Variants in BRINP3 observed in about 807,000 individuals in gnomAD.
BRINP3 encodes BMP/retinoic acid inducible neural specific 3, also known as BMP/retinoic acid-inducible neural-specific protein 3.
Under a neutral mutation model 71.0 loss-of-function variants are expected in BRINP3, and 19 were observed. That is an observed-to-expected ratio of 0.27 (90% CI 0.19 to 0.39). The LOEUF is 0.39. Ranked by LOEUF, BRINP3 falls within the 10% of genes least tolerant of loss-of-function variation. The probability of loss-of-function intolerance (pLI) is 1.00; values close to 1 mark genes in which losing one functional copy is unlikely to be tolerated. For synonymous variants in BRINP3, 380 were observed against 337.7 expected, an observed-to-expected ratio of 1.13 and a Z score of -1.37; for missense variants, 959 against 940.8, an observed-to-expected ratio of 1.02 and a Z score of -0.25.
chr1:190,197,553 C>A (rs769259275), intron 6 of BRINP3, among the ~76,000 whole-genome samples: 1 of 152,122 alleles, frequency 6.6e-6, no homozygotes, highest in South Asian at 2.1e-4. Flanking sequence ...TTGGCCAAAA[C>A]GAAGGGGCAA....
intron 6 of BRINP3, among the ~76,000 whole-genome samples, chr1:190,200,276 A>G (rs1028488014): frequency 1.4e-4 from 21 of 152,138 alleles, no homozygotes; most frequent in African/African-American, 4.1e-4. Flanking sequence ...GAATTATGCC[A>G]AAGTCTATTG....
chr1:190,155,438 T>A (rs1051135890), intron 7 of BRINP3, among the ~76,000 whole-genome samples: 4 of 152,098 alleles, frequency 2.6e-5, no homozygotes, highest in Non-Finnish European at 2.9e-5. Context: ...TTAAATATTG[T>A]TCATCAAAGC....
chr1:190,202,234 T>C (rs1487126501), intron 6 of BRINP3, among the ~76,000 whole-genome samples: 13 of 152,138 alleles, frequency 8.5e-5, no homozygotes, highest in Non-Finnish European at 1.5e-5. Flanking sequence ...AGCTTTAAGA[T>C]TTGACTTCCC....
intron 2 of BRINP3, among the ~76,000 whole-genome samples, chr1:190,335,562 T>C (rs920985942): frequency 7.2e-5 from 11 of 151,862 alleles, no homozygotes; most frequent in African/African-American, 2.7e-4. Flanking sequence ...GTGGTATAAA[T>C]ATATTTATTT....
At chr1:190,324,881 T>TA (rs1031304503) in intron 2 of BRINP3, among the ~76,000 whole-genome samples, 60 of 152,054 alleles carry the variant, frequency 3.9e-4, no homozygotes, top group African/African-American at 1.2e-3. Flanking sequence ...ATAAGTGTGA[T>TA]ACCTTGTAAT....
chr1:190,197,905 C>G (rs1490084304), intron 6 of BRINP3, among the ~76,000 whole-genome samples: 2 of 152,154 alleles, frequency 1.3e-5, no homozygotes, highest in African/African-American at 4.8e-5. Context: ...CATTTCCCTT[C>G]CACACTGCCT....
intron 2 of BRINP3, among the ~76,000 whole-genome samples, chr1:190,420,016 T>TTCA (rs1673268661): frequency 6.6e-6 from 1 of 151,984 alleles, no homozygotes; most frequent in African/African-American, 2.4e-5. Context: ...CCAAAGTAGA[T>TTCA]TCATATTTAT....
chr1:190,275,762 C>T (rs1328236697), intron 3 of BRINP3, among the ~76,000 whole-genome samples: 2 of 151,646 alleles, frequency 1.3e-5, no homozygotes, highest in African/African-American at 2.4e-5. Flanking sequence ...TTGGTTGCCA[C>T]GAACACCTTT....
At chr1:190,156,707 A>T (rs1254187081) in intron 7 of BRINP3, among the ~76,000 whole-genome samples, 2 of 152,008 alleles carry the variant, frequency 1.3e-5, no homozygotes, top group Non-Finnish European at 2.9e-5. Flanking sequence ...TCAACTTAGG[A>T]ATTACGCTAA....
chr1:190,182,602 G>C (rs545762462), intron 6 of BRINP3, among the ~76,000 whole-genome samples: 3 of 152,022 alleles, frequency 2.0e-5, no homozygotes, highest in African/African-American at 7.2e-5. Flanking sequence ...AGCAGGTATG[G>C]CCTTTGTGTT....
intron 2 of BRINP3, among the ~76,000 whole-genome samples, chr1:190,305,880 T>C (rs893254800): frequency 6.6e-6 from 1 of 151,884 alleles, no homozygotes; most frequent in Non-Finnish European, 1.5e-5. Flanking sequence ...TGTGTACATA[T>C]ATCAAACATA....
chr1:190,184,866 A>G (rs935502039), intron 6 of BRINP3, among the ~76,000 whole-genome samples: 9 of 152,162 alleles, frequency 5.9e-5, no homozygotes, highest in African/African-American at 2.2e-4. Flanking sequence ...ACAAACCTGC[A>G]CATGCACTCT....
intron 7 of BRINP3, among the ~76,000 whole-genome samples, chr1:190,108,762 T>C (rs1316279225): frequency 6.6e-6 from 1 of 151,436 alleles, no homozygotes; most frequent in Non-Finnish European, 1.5e-5. Flanking sequence ...CTCCCTCACC[T>C]CAGTGACAAG....
intron 2 of BRINP3, among the ~76,000 whole-genome samples, chr1:190,342,219 T>C (rs948565394): frequency 1.3e-5 from 2 of 151,542 alleles, no homozygotes; most frequent in African/African-American, 4.8e-5. Context: ...GTCTCCCCAT[T>C]AAGGAGGCTA....
At chr1:190,212,310 G>T (rs1010095975) in intron 6 of BRINP3, among the ~76,000 whole-genome samples, 6 of 152,050 alleles carry the variant, frequency 3.9e-5, no homozygotes, top group Non-Finnish European at 8.8e-5. Flanking sequence ...GAGATTAAAT[G>T]ACTTTCTAAT....
rs1426570205 is a variant in BRINP3 at position 190,196,727 on chromosome 1, T to TC, written c.961+29354_961+29355insG. ...GAAAATTTTCATGAAAAATTACCCT[T>TC]TGTGTTTTAGAAACAATAATTTAAT... On this transcript the variant is annotated intron_variant, in intron 6 of 7. Coordinates refer to ENST00000367462, the MANE Select transcript of BRINP3 (RefSeq NM_199051.3). 4.3e-4 allele frequency among the ~76,000 whole-genome samples: 66 copies of TC among 152,052 alleles called. No homozygotes were observed. The East Asian group carries it at 7.4e-3, about 17-fold the overall frequency.
At chr1:190,301,191 A>ATG (rs1664677989) in intron 2 of BRINP3, among the ~76,000 whole-genome samples, 5 of 61,472 alleles carry the variant, frequency 8.1e-5, no homozygotes, top group African/African-American at 2.2e-4. Flanking sequence ...ATATATGTAT[A>ATG]TATATACACA....
intron 6 of BRINP3, among the ~76,000 whole-genome samples, chr1:190,206,950 G>A (rs973130420): frequency 2.0e-5 from 3 of 150,206 alleles, no homozygotes; most frequent in African/African-American, 2.4e-5. Context: ...TTCAGCACAA[G>A]ACAATATCAT....
chr1:190,163,094 T>A (rs1036733217), intron 6 of BRINP3, among the ~76,000 whole-genome samples: 1 of 152,152 alleles, frequency 6.6e-6, no homozygotes, highest in East Asian at 1.9e-4. Context: ...GGATATCTTT[T>A]CTTTTATTGT....
Sources: allele counts gnomAD v4.1 joint callset (sites outside exome capture counted in the v4.1 genomes callset), GRCh38; gene constraint gnomAD v4.1.1; transcripts MANE v1.5; gene names NCBI Gene and HGNC (gene_info 2026-07-23, HGNC 2026-07-21).